The following DPYD variants were observed in gnomAD, a reference collection of about 807,000 sequenced individuals.
DPYD encodes the protein dihydropyrimidine dehydrogenase, also known as dihydropyrimidine dehydrogenase [NADP(+)].
Under a neutral mutation model 116.2 loss-of-function variants are expected in DPYD, and 109 were observed. That is an observed-to-expected ratio of 0.94 (90% CI 0.80 to 1.10). DPYD has a LOEUF of 1.10. DPYD is among the 50% of genes least tolerant of loss of function. The pLI is 0.00. For missense variants in DPYD, 1,302 were observed against 1,254.5 expected, an observed-to-expected ratio of 1.04 and a Z score of -0.57; for synonymous variants, 440 against 432.0, an observed-to-expected ratio of 1.02 and a Z score of -0.23.
At chr1:97,081,561 T>A (rs185428741) in intron 22 of DPYD, among the ~76,000 whole-genome samples, 16 of 152,144 alleles carry the variant, frequency 1.1e-4, no homozygotes, top group Non-Finnish European at 1.3e-4. Flanking sequence ...CCAAACTCTT[T>A]AAAAAATAGC....
intron 11 of DPYD, among the ~76,000 whole-genome samples, chr1:97,553,221 T>C (rs982849371): frequency 2.8e-4 from 42 of 152,138 alleles, no homozygotes; most frequent in African/African-American, 9.6e-4. Context: ...ACTGAAACTT[T>C]GTTAAATCTG....
chr1:97,452,022 G>A (rs1676442854), intron 13 of DPYD, among the ~76,000 whole-genome samples: 1 of 152,020 alleles, frequency 6.6e-6, no homozygotes, highest in African/African-American at 2.4e-5. Flanking sequence ...CAAATAATGG[G>A]GCATCTGGTT....
chr1:97,713,367 C>T lies in DPYD; in HGVS notation c.483+8143G>A, dbSNP rs191873177. ...GCAAATAATTTTAACCATGCGATTT[C>T]GTTAAATTTCAAAGTTATTGCCCCC... On this transcript the variant is annotated intron_variant, in intron 5 of 22. Coordinates refer to ENST00000370192, the MANE Select transcript of DPYD (RefSeq NM_000110.4). 7.3e-3 allele frequency among the ~76,000 whole-genome samples: 1,106 copies of T among 152,086 alleles called. 8 individuals are homozygous for T. Among genetic ancestry groups the T allele is most frequent in the Non-Finnish European group, 0.012 (841 of 67,972 alleles).
intron 10 of DPYD, among the ~76,000 whole-genome samples, chr1:97,580,909 CCGCATTCTGTATTTGG>C (rs1240856496): frequency 6.6e-6 from 1 of 152,124 alleles, no homozygotes; most frequent in Non-Finnish European, 1.5e-5. Context: ...CTTCCTACCT[CCGCATTCTGTATTTGG>C]AGTTTAACTC....
At chr1:97,174,580 A>T (rs1657114917) in intron 20 of DPYD, among the ~76,000 whole-genome samples, 1 of 152,182 alleles carries the variant, frequency 6.6e-6, no homozygotes, top group African/African-American at 2.4e-5. Flanking sequence ...GGTACCAGCT[A>T]TTCTTTTCCA....
At chr1:97,307,948 A>C (rs887283003) in intron 16 of DPYD, among the ~76,000 whole-genome samples, 1 of 151,900 alleles carries the variant, frequency 6.6e-6, no homozygotes, top group Non-Finnish European at 1.5e-5. Context: ...TTTAAGGTAG[A>C]CTTTGACAAT....
chr1:97,759,675 C>T lies in DPYD; in HGVS notation c.234-19196G>A, dbSNP rs577637030. Among the ~76,000 whole-genome samples the T allele has an allele frequency of 2.6e-5, 4 of 152,198 alleles. No homozygotes were observed. The South Asian group carries it at 8.3e-4, about 32-fold the overall frequency. Reference sequence around the variant, plus strand: ...AAATAAATATTACATTGTATTGCCACCTTCTACAATCTTTTATGTATTTTT... The same window carrying T: ...AAATAAATATTACATTGTATTGCCATCTTCTACAATCTTTTATGTATTTTT... On this transcript the variant is annotated intron_variant, in intron 3 of 22. Coordinates refer to ENST00000370192, the MANE Select transcript of DPYD (RefSeq NM_000110.4).
chr1:97,846,553 A>C (rs1418097375), intron 2 of DPYD, among the ~76,000 whole-genome samples: 3 of 152,182 alleles, frequency 2.0e-5, no homozygotes, highest in Non-Finnish European at 2.9e-5. Flanking sequence ...TGTCAGAATT[A>C]AGTTGCAGAA....
rs550896100 is a variant in DPYD at position 97,550,590 on chromosome 1, C to T, written c.1340-846G>A. ...GAAATGAAGAAAGGTGGACAACACC[C>T]TATTTGATGGAGTAAACTGAGTAAG... On this transcript the variant is annotated intron_variant, in intron 11 of 22. Coordinates refer to ENST00000370192, the MANE Select transcript of DPYD (RefSeq NM_000110.4). Among the ~76,000 whole-genome samples, 329 of 152,214 alleles carry T rather than the reference C, an allele frequency of 2.2e-3. 1 individual carries two copies. The highest frequency in any genetic ancestry group is 0.021 in the South Asian group (101 of 4,826).
intron 13 of DPYD, among the ~76,000 whole-genome samples, chr1:97,477,410 C>T (rs1490120609): frequency 1.3e-5 from 2 of 152,172 alleles, no homozygotes; most frequent in Admixed American, 1.3e-4. Context: ...TCTTCAGTTA[C>T]TCCCTCCACC....
At chr1:97,551,848 C>T (rs531899356) in intron 11 of DPYD, among the ~76,000 whole-genome samples, 6 of 152,122 alleles carry the variant, frequency 3.9e-5, no homozygotes, top group African/African-American at 1.4e-4. Context: ...CTGTACTGAA[C>T]GTGTACATAC....
At chr1:97,313,378 T>C (rs1273915552) in intron 16 of DPYD, among the ~76,000 whole-genome samples, 1 of 151,928 alleles carries the variant, frequency 6.6e-6, no homozygotes, top group African/African-American at 2.4e-5. Flanking sequence ...CTATCCCTGT[T>C]CTTTAAAAAC....
chr1:97,297,661 G>A (rs1666613349), intron 18 of DPYD, among the ~76,000 whole-genome samples: 1 of 152,176 alleles, frequency 6.6e-6, no homozygotes, highest in Non-Finnish European at 1.5e-5. Context: ...AGTAAATTAA[G>A]AGAGAAGAGC....
chr1:97,336,802 G>A (rs190725556), intron 16 of DPYD, among the ~76,000 whole-genome samples: 60 of 152,252 alleles, frequency 3.9e-4, no homozygotes, highest in Admixed American at 8.5e-4. Context: ...CAGGAGCTAG[G>A]AAAGCTGAGT....
intron 13 of DPYD, among the ~76,000 whole-genome samples, chr1:97,488,310 C>T (rs767386989): frequency 1.3e-5 from 2 of 152,006 alleles, no homozygotes; most frequent in Non-Finnish European, 2.9e-5. Context: ...AGTGTGACTA[C>T]AAAAGGTTAT....
chr1:97,854,525 C>T (rs1418231588), intron 2 of DPYD, among the ~76,000 whole-genome samples: 1 of 152,142 alleles, frequency 6.6e-6, no homozygotes, highest in African/African-American at 2.4e-5. Context: ...TCAAATGCCC[C>T]CAGTTTAAGA....
chr1:97,271,690 T>C (rs1664591442), intron 18 of DPYD, among the ~76,000 whole-genome samples: 1 of 152,214 alleles, frequency 6.6e-6, no homozygotes, highest in Non-Finnish European at 1.5e-5. Flanking sequence ...ATATAGATCA[T>C]TTTCAATTTA....
chr1:97,860,421 A>T (rs1671059879), intron 2 of DPYD, among the ~76,000 whole-genome samples: 1 of 152,204 alleles, frequency 6.6e-6, no homozygotes, highest in Non-Finnish European at 1.5e-5. Context: ...ACATAAAATT[A>T]GCTTACTGTG....
At chr1:97,615,939 C>A (rs1291337415) in intron 8 of DPYD, among the ~76,000 whole-genome samples, 1 of 152,042 alleles carries the variant, frequency 6.6e-6, no homozygotes, top group Non-Finnish European at 1.5e-5. Context: ...GCCCTTCCTT[C>A]CCTCCTTTGC....
Sources: gnomAD v4.1 joint callset for allele counts (sites outside exome capture counted in the v4.1 genomes callset) on GRCh38, gnomAD v4.1.1 for gene constraint, MANE v1.5 for transcripts, NCBI Gene and HGNC (gene_info 2026-07-23, HGNC 2026-07-21) for gene names.